CNTN3: variants seen among roughly 807,000 people sequenced by gnomAD.
CNTN3 encodes contactin 3.
In CNTN3, 60 loss-of-function variants were observed where a neutral mutation model predicts 119.1. The ratio of observed to expected loss-of-function variants is 0.50; its 90% CI spans 0.41 to 0.62. The LOEUF is 0.62. Among genes scored for constraint, CNTN3 ranks in the 20% least tolerant of loss-of-function variants. CNTN3 has a pLI of 0.00. For synonymous variants in CNTN3, 450 were observed against 438.7 expected (o/e 1.03, Z -0.32); for missense variants, 1,101 against 1,242.4 (o/e 0.89, Z 1.71).
chr3:74,577,406 T>G (rs1328197646), intron 1 of CNTN3, among the ~76,000 whole-genome samples: 2 of 152,190 alleles, frequency 1.3e-5, no homozygotes, highest in Non-Finnish European at 2.9e-5. Context: ...CATTACTTAT[T>G]CTATTATACT....
rs149714197 is a variant in CNTN3 at position 74,458,283 on chromosome 3, A to G, written c.358+28173T>C. ...TAGTTTATCTTTTTCAGGACTTACA[A>G]TATACCTGGGGCTAATGGTTTCAGG... On this transcript the variant is annotated intron_variant, in intron 4 of 22. Coordinates refer to ENST00000263665, the MANE Select transcript of CNTN3 (RefSeq NM_020872.3). Among the ~76,000 whole-genome samples the G allele has an allele frequency of 3.6e-3, 552 of 152,142 alleles. 2 individuals are homozygous for G. Among genetic ancestry groups the G allele is most frequent in the South Asian group, 0.014 (66 of 4,824 alleles).
chr3:74,290,376 C>T (rs1056951318), intron 19 of CNTN3, among the ~76,000 whole-genome samples: 3 of 152,122 alleles, frequency 2.0e-5, no homozygotes, highest in African/African-American at 7.2e-5. Context: ...GTATTGTAAT[C>T]TTAGGGGACC....
In CNTN3 at chr3:74,371,380, G is replaced by T; in HGVS notation, c.474C>A (p.Ile158=). Residue 158 remains isoleucine (I), a synonymous_variant, in exon 6 of 23, where the codon ATC becomes ATA. Transcript: ENST00000263665. The part of the protein sequence containing the change: ...PHSGELSYAW[I]FNEYPSFVEE... ...CAACAAACGATGGGTATTCATTGAA[G>T]ATCCAAGCATATGACAGTTCTAATA... The T allele has an allele frequency of 6.2e-7, 1 of 1,612,650 alleles. No individual in the cohort carries two copies. The highest frequency in any genetic ancestry group is 8.5e-7 in the Non-Finnish European group (1 of 1,178,940).
chr3:74,312,455 CAAAAAAAA>C (rs745514119), intron 13 of CNTN3, among the ~76,000 whole-genome samples: 4 of 27,804 alleles, frequency 1.4e-4, no homozygotes, highest in Middle Eastern at 0.029. Context: ...GACTCCATCT[CAAAAAAAA>C]AAAAAAAAAA....
intron 11 of CNTN3, among the ~76,000 whole-genome samples, chr3:74,361,497 G>C (rs1704071848): frequency 6.6e-6 from 1 of 152,126 alleles, no homozygotes; most frequent in Non-Finnish European, 1.5e-5. Context: ...TAAATTATTT[G>C]AGTATAGGAT....
intron 1 of CNTN3, among the ~76,000 whole-genome samples, chr3:74,577,739 A>C (rs1704441662): frequency 6.6e-6 from 1 of 152,076 alleles, no homozygotes; most frequent in African/African-American, 2.4e-5. Flanking sequence ...CTTGGGTCAC[A>C]TACTAACATT....
chr3:74,386,006 AG>A (rs566735218), intron 5 of CNTN3, among the ~76,000 whole-genome samples: 210 of 152,284 alleles, frequency 1.4e-3, no homozygotes, highest in African/African-American at 4.8e-3. Context: ...TCCTCAAAAA[AG>A]TATAGGAGGA....
chr3:74,292,918 G>A (rs1702262001), intron 19 of CNTN3, among the ~76,000 whole-genome samples: 1 of 152,118 alleles, frequency 6.6e-6, no homozygotes, highest in African/African-American at 2.4e-5. Context: ...TTCATCTATT[G>A]TCATGGAATT....
intron 4 of CNTN3, among the ~76,000 whole-genome samples, chr3:74,477,282 C>T (rs1702674424): frequency 6.6e-6 from 1 of 152,012 alleles, no homozygotes; most frequent in Non-Finnish European, 1.5e-5. Context: ...AGCTTCAGAC[C>T]CAGAAAGTAA....
chr3:74,507,485 T>A (rs1358549662), intron 2 of CNTN3, among the ~76,000 whole-genome samples: 1 of 151,324 alleles, frequency 6.6e-6, no homozygotes, highest in Non-Finnish European at 1.5e-5. Context: ...ACAGCTGTAA[T>A]CTCATAAAGT....
chr3:74,387,751 A>G (rs1408768697), intron 5 of CNTN3, among the ~76,000 whole-genome samples: 1 of 152,226 alleles, frequency 6.6e-6, no homozygotes, highest in African/African-American at 2.4e-5. Flanking sequence ...ACTTGCTTTG[A>G]CTTTAAAATC....
At chr3:74,364,856 G>A (rs1704153392) in intron 9 of CNTN3, among the ~76,000 whole-genome samples, 1 of 152,132 alleles carries the variant, frequency 6.6e-6, no homozygotes, top group Non-Finnish European at 1.5e-5. Flanking sequence ...GGTAAAATAT[G>A]CAACCATTTC....
chr3:74,458,485 T>C (rs546428709), intron 4 of CNTN3, among the ~76,000 whole-genome samples: 9 of 152,158 alleles, frequency 5.9e-5, no homozygotes, highest in Admixed American at 5.9e-4. Context: ...AGTATAGTTT[T>C]ATTGGAACAC....
intron 20 of CNTN3, among the ~76,000 whole-genome samples, chr3:74,269,411 A>G (rs1701725280): frequency 6.6e-6 from 1 of 152,114 alleles, no homozygotes; most frequent in South Asian, 2.1e-4. Flanking sequence ...GACCAGAGAA[A>G]CTTTCACCCA....
intron 11 of CNTN3, among the ~76,000 whole-genome samples, chr3:74,337,567 G>A (rs1453741831): frequency 6.6e-6 from 1 of 151,980 alleles, no homozygotes; most frequent in African/African-American, 2.4e-5. Flanking sequence ...CAGGCAAAGA[G>A]GAAACGAGAA....
chr3:74,346,342 CTCT>C (rs1322283203), intron 11 of CNTN3, among the ~76,000 whole-genome samples: 3 of 151,924 alleles, frequency 2.0e-5, no homozygotes, highest in Non-Finnish European at 2.9e-5. Context: ...AAAATAATCT[CTCT>C]TCTTTTCCAA....
chr3:74,544,088 GT>G (rs1575819231), intron 1 of CNTN3, among the ~76,000 whole-genome samples: 1 of 152,324 alleles, frequency 6.6e-6, no homozygotes, highest in African/African-American at 2.4e-5. Flanking sequence ...GAATGCAAGA[GT>G]CAGAAAGGAC....
Position 74,300,676 on chromosome 3 carries a change from T to C in CNTN3, c.2095+722A>G, listed in dbSNP as rs868539101. 3.3e-5 allele frequency among the ~76,000 whole-genome samples: 5 copies of C among 152,324 alleles called. No individual in the cohort carries two copies. In the South Asian group the frequency reaches 1.0e-3, roughly 32 times the overall value. ...CAGCATCATGAAAATTACTGAAACA[T>C]ATTTGATGACTTCCATCTTAGCTGA... is the stretch of plus-strand genomic sequence containing the variant. On this transcript the variant is annotated intron_variant, in intron 16 of 22. Coordinates refer to ENST00000263665, the MANE Select transcript of CNTN3 (RefSeq NM_020872.3).
intron 5 of CNTN3, among the ~76,000 whole-genome samples, chr3:74,424,474 C>CAGAGAGAGAGAGAGAGAGAGAG (rs71625974): frequency 2.1e-5 from 3 of 142,446 alleles, no homozygotes; most frequent in Admixed American, 1.4e-4. Context: ...GTGTGTGTGA[C>CAGAGAGAGAGAGAGAGAGAGAG]AGAGAGAGAG....
Sources: gnomAD v4.1 joint callset for allele counts (sites outside exome capture counted in the v4.1 genomes callset) on GRCh38, gnomAD v4.1.1 for gene constraint, MANE v1.5 for transcripts, NCBI Gene and HGNC (gene_info 2026-07-23, HGNC 2026-07-21) for gene names.